The following PTPRN2 variants were observed in gnomAD, a reference collection of about 807,000 sequenced individuals.
PTPRN2 encodes protein tyrosine phosphatase receptor type N2, also known as receptor-type tyrosine-protein phosphatase N2.
Under a neutral mutation model 118.8 loss-of-function variants are expected in PTPRN2, and 74 were observed. That is an observed-to-expected ratio of 0.62 (90% CI 0.52 to 0.76). The LOEUF (loss-of-function observed/expected upper bound fraction) is 0.76. PTPRN2 is among the 30% of genes least tolerant of loss of function. The pLI, the probability that PTPRN2 is intolerant of heterozygous loss-of-function variation, is 0.00. For synonymous variants in PTPRN2, 641 were observed against 608.0 expected (o/e 1.05, Z -0.80); for missense variants, 1,481 against 1,394.4 (o/e 1.06, Z -0.99).
Position 158,319,731 on chromosome 7 carries a change from T to TCA in PTPRN2, c.164-2801_164-2800dup, listed in dbSNP as rs1487796317. 3.8e-3 allele frequency among the ~76,000 whole-genome samples: 9 copies of TCA among 2,356 alleles called. 4 individuals are homozygous for TCA. Among genetic ancestry groups the TCA allele is most frequent in the Non-Finnish European group, 5.3e-3 (5 of 952 alleles). The allele number at this position is 2,356 out of a possible 152,430, so 1.5% of individuals were successfully genotyped here. A position where few individuals can be genotyped will look rare whatever the true frequency, so the allele number is the denominator to read the frequency against. On this transcript the variant is annotated intron_variant, in intron 2 of 22. Coordinates refer to ENST00000389418, the MANE Select transcript of PTPRN2 (RefSeq NM_002847.5). ...TACACACAGCCTCCCTCACACACAC[T>TCA]CACAGTCTCCCTCACACACACAGCC...
In PTPRN2 at chr7:158,105,100, C is replaced by T. The variant is rs572609559; in HGVS notation, c.1643+5729G>A. ...TCCCAGCTCCATCCTCAGCTCCTTC[C>T]CAACCCTACTAAGTGTCATCATACT... On this transcript the variant is annotated intron_variant, in intron 10 of 22. Coordinates refer to ENST00000389418, the MANE Select transcript of PTPRN2 (RefSeq NM_002847.5). Among the ~76,000 whole-genome samples, 17 of 149,780 alleles carry T rather than the reference C, an allele frequency of 1.1e-4. No homozygotes were observed. The South Asian group carries it at 1.7e-3, about 15-fold the overall frequency.
intron 11 of PTPRN2, among the ~76,000 whole-genome samples, chr7:158,071,762 C>CCT (rs1811836863): frequency 1.2e-5 from 1 of 80,574 alleles, no homozygotes; most frequent in Non-Finnish European, 2.2e-5. Context: ...TGGAGGTGCT[C>CCT]GTGGTGATGG....
At chr7:158,279,188 CAG>C (rs1299364178) in intron 3 of PTPRN2, among the ~76,000 whole-genome samples, 2 of 152,206 alleles carry the variant, frequency 1.3e-5, no homozygotes, top group Admixed American at 6.5e-5. Flanking sequence ...GTCCATTTTA[CAG>C]AGAGTTGATT....
chr7:158,066,643 G>A (rs965676806), intron 11 of PTPRN2, among the ~76,000 whole-genome samples: 3 of 152,166 alleles, frequency 2.0e-5, no homozygotes, highest in African/African-American at 7.2e-5. Flanking sequence ...ATCGGCTTTA[G>A]AAAACACACA....
chr7:157,979,105 C>T (rs751275024), intron 11 of PTPRN2, among the ~76,000 whole-genome samples: 1 of 152,038 alleles, frequency 6.6e-6, no homozygotes, highest in African/African-American at 2.4e-5. Flanking sequence ...CCATCGCCCC[C>T]GCGGCCCTGG....
At chr7:158,498,019 C>A (rs1467362777) in intron 1 of PTPRN2, among the ~76,000 whole-genome samples, 1 of 152,272 alleles carries the variant, frequency 6.6e-6, no homozygotes, top group African/African-American at 2.4e-5. Flanking sequence ...TTCACCTCCA[C>A]CCCATACGCC....
intron 6 of PTPRN2, among the ~76,000 whole-genome samples, chr7:158,162,385 G>T (rs996860507): frequency 6.6e-6 from 1 of 152,122 alleles, no homozygotes; most frequent in African/African-American, 2.4e-5. Context: ...TCTATACAAT[G>T]GAGTGTTATG....
At chr7:157,804,345 T>A (rs944041126) in intron 12 of PTPRN2, among the ~76,000 whole-genome samples, 1 of 152,254 alleles carries the variant, frequency 6.6e-6, no homozygotes, top group Non-Finnish European at 1.5e-5. Flanking sequence ...CTTCCCTTCT[T>A]TCCACACACT....
intron 10 of PTPRN2, among the ~76,000 whole-genome samples, chr7:158,094,667 C>T (rs1242972015): frequency 6.6e-6 from 1 of 152,206 alleles, no homozygotes; most frequent in East Asian, 1.9e-4. Flanking sequence ...ATGAGCTACA[C>T]AAACACATGA....
chr7:158,404,356 T>C (rs1162945745), intron 2 of PTPRN2, among the ~76,000 whole-genome samples: 1 of 152,156 alleles, frequency 6.6e-6, no homozygotes, highest in Non-Finnish European at 1.5e-5. Context: ...ACAGAGATTC[T>C]GTGTGTGCCT....
In PTPRN2 at chr7:158,133,831, C is replaced by G. The variant is rs151334443; in HGVS notation, c.1402G>C (p.Ala468Pro). 6 of 1,613,958 alleles carry G rather than the reference C, an allele frequency of 3.7e-6. No homozygotes were observed. In the East Asian group the frequency reaches 1.3e-4, roughly 36 times the overall value. ...TGGTTTTGGAGCTCCCCAAACGCAG[C>G]GGCCCCGGGCTCCGAATGCGGCTGC... ...GQQPHSEPGA[A>P]AFGELQNQMP... The change falls in exon 9 of 23, where the codon GCT (alanine) becomes CCT (proline). Residue 468 changes from alanine (A) to proline (P), a missense_variant. Ala to Pro is a conservative substitution (Grantham distance 27). Around this residue, in one of 3 missense-constraint regions of PTPRN2, gnomAD observed 1,115 missense variants for 994.2 expected, o/e 1.12. Transcript: ENST00000389418.
intron 2 of PTPRN2, among the ~76,000 whole-genome samples, chr7:158,324,658 G>A (rs1160174056): frequency 6.6e-6 from 1 of 151,782 alleles, no homozygotes; most frequent in Non-Finnish European, 1.5e-5. Flanking sequence ...AGTGAAGCAG[G>A]TGATCCTAGT....
At chr7:158,395,585 CAGGGGTG>C (rs1486078210) in intron 2 of PTPRN2, among the ~76,000 whole-genome samples, 159 of 7,054 alleles carry the variant, frequency 0.023, 1 homozygote, top group Non-Finnish European at 0.033. Context: ...CGCGAGGGGC[CAGGGGTG>C]AGGGGTGAGG....
intron 13 of PTPRN2, among the ~76,000 whole-genome samples, chr7:157,665,564 G>A (rs1470896903): frequency 1.3e-5 from 2 of 152,292 alleles, no homozygotes; most frequent in South Asian, 2.1e-4. Context: ...ACCAGGGTGT[G>A]GATGAAACCT....
intron 6 of PTPRN2, among the ~76,000 whole-genome samples, chr7:158,143,369 G>C (rs546108028): frequency 6.6e-6 from 1 of 152,318 alleles, no homozygotes; most frequent in East Asian, 1.9e-4. Flanking sequence ...CAGCTGCAGG[G>C]AGACCTGAAG....
chr7:158,129,153 TACACACC>T (rs956022371), intron 9 of PTPRN2, among the ~76,000 whole-genome samples: 2 of 130,376 alleles, frequency 1.5e-5, no homozygotes, highest in Non-Finnish European at 3.3e-5. Context: ...ACACATACAC[TACACACC>T]ACACACATAC....
intron 12 of PTPRN2, among the ~76,000 whole-genome samples, chr7:157,883,462 GCAC>G (rs1796276571): frequency 8.0e-6 from 1 of 124,804 alleles, no homozygotes; most frequent in African/African-American, 3.1e-5. Context: ...AGATCGGAAT[GCAC>G]CACCCCAAAA....
intron 3 of PTPRN2, among the ~76,000 whole-genome samples, chr7:158,308,016 T>C (rs1801422594): frequency 6.6e-6 from 1 of 152,194 alleles, no homozygotes; most frequent in Non-Finnish European, 1.5e-5. Flanking sequence ...CTTACCTGAT[T>C]CTGCCCCTCA....
intron 4 of PTPRN2, among the ~76,000 whole-genome samples, chr7:158,200,722 CAGT>C (rs1182726966): frequency 5.3e-5 from 8 of 152,076 alleles, no homozygotes; most frequent in Non-Finnish European, 8.8e-5. Flanking sequence ...GACTAAAATG[CAGT>C]AGAATTAGAC....
Sources: allele counts gnomAD v4.1 joint callset (sites outside exome capture counted in the v4.1 genomes callset), GRCh38; gene constraint gnomAD v4.1.1; regional missense constraint gnomAD v4.1.1; transcripts MANE v1.5; gene names NCBI Gene and HGNC (gene_info 2026-07-23, HGNC 2026-07-21).